GRIK3: variants seen among roughly 807,000 people sequenced by gnomAD.
GRIK3 encodes glutamate receptor ionotropic, kainate 3.
In GRIK3, 29 loss-of-function variants were observed where a neutral mutation model predicts 102.5. The observed-to-expected ratio is 0.28, with a 90% CI of 0.21 to 0.39. GRIK3 has a LOEUF of 0.39. Among genes scored for constraint, GRIK3 ranks in the 10% least tolerant of loss-of-function variants. The pLI, the probability that GRIK3 is intolerant of heterozygous loss-of-function variation, is 1.00. For missense variants in GRIK3, 908 were observed against 1,252.4 expected (o/e 0.73, Z 4.15); for synonymous variants, 511 against 504.9 (o/e 1.01, Z -0.16).
At chr1:36,975,749 C>T (rs1642189945) in intron 1 of GRIK3, among the ~76,000 whole-genome samples, 9 of 152,164 alleles carry the variant, frequency 5.9e-5, no homozygotes, top group African/African-American at 2.4e-5. Flanking sequence ...CCTGAGGCAC[C>T]CTCCACTTTC....
In GRIK3 at chr1:36,939,188, C is replaced by T. The variant is rs571864280; in HGVS notation, c.116-48092G>A. On this transcript the variant is annotated intron_variant, in intron 1 of 15. Transcript: ENST00000373091. ...CACCACACAACGCATGGAAGTGAAACATGAAAAGCTGATCATGTGCCCCCA... is the reference window on the plus strand; with the variant it reads ...CACCACACAACGCATGGAAGTGAAATATGAAAAGCTGATCATGTGCCCCCA... Among the ~76,000 whole-genome samples the T allele has an allele frequency of 6.6e-5, 10 of 152,308 alleles. No individual in the cohort carries two copies. In the East Asian group the frequency reaches 1.9e-3, roughly 29 times the overall value.
rs535791326 is a variant in GRIK3 at position 36,948,301 on chromosome 1, C to A, written c.116-57205G>T. 1.9e-3 allele frequency among the ~76,000 whole-genome samples: 286 copies of A among 152,360 alleles called. 1 individual carries two copies. The highest frequency in any genetic ancestry group is 5.0e-3 in the African/African-American group (208 of 41,586). ...TGTGCCAATGCTGGAGGAATTTCTACTGTGTGCCAGATCCTGTACTGGGAG... is the reference window on the plus strand; with the variant it reads ...TGTGCCAATGCTGGAGGAATTTCTAATGTGTGCCAGATCCTGTACTGGGAG... On this transcript the variant is annotated intron_variant, in intron 1 of 15. Coordinates refer to ENST00000373091, the MANE Select transcript of GRIK3 (RefSeq NM_000831.4).
intron 5 of GRIK3, among the ~76,000 whole-genome samples, chr1:36,869,077 G>A (rs1640816479): frequency 6.6e-6 from 1 of 152,236 alleles, no homozygotes; most frequent in South Asian, 2.1e-4. Context: ...GCAAGGCAGT[G>A]AGGCTCAGGA....
Position 36,896,891 on chromosome 1 carries a change from G to GA in GRIK3, c.116-5796dup, listed in dbSNP as rs528360554. 7.2e-5 allele frequency among the ~76,000 whole-genome samples: 11 copies of GA among 152,096 alleles called. No homozygotes were observed. In the South Asian group the frequency reaches 1.5e-3, roughly 20 times the overall value. ...AATACATCATAGTAACAGAATAAAG[G>GA]AAAAAAATGCGATCATCTGAATCAA... On this transcript the variant is annotated intron_variant, in intron 1 of 15. Transcript: ENST00000373091.
intron 1 of GRIK3, among the ~76,000 whole-genome samples, chr1:36,989,353 C>T (rs1298193399): frequency 1.3e-5 from 2 of 152,288 alleles, no homozygotes; most frequent in East Asian, 3.9e-4. Flanking sequence ...CAGGAGCCCT[C>T]GCCTGCACAG....
chr1:36,810,374 T>C (rs951327435), intron 13 of GRIK3, among the ~76,000 whole-genome samples: 1 of 152,190 alleles, frequency 6.6e-6, no homozygotes, highest in Non-Finnish European at 1.5e-5. Context: ...CCAAATCAAC[T>C]AATGGAATCA....
rs984504336 is a variant in GRIK3 at position 36,982,731 on chromosome 1, G to A, written c.115+51263C>T. Reference sequence around the variant, plus strand: ...GGAAGGGTGGAAGGGGCAGCCCAGCGACCGGGGTCTTTAAGCAGGCAGGAA... The same window carrying A: ...GGAAGGGTGGAAGGGGCAGCCCAGCAACCGGGGTCTTTAAGCAGGCAGGAA... On this transcript the variant is annotated intron_variant, in intron 1 of 15. Transcript: ENST00000373091. 5.3e-5 allele frequency among the ~76,000 whole-genome samples: 8 copies of A among 151,508 alleles called. No individual in the cohort carries two copies. The East Asian group carries it at 1.2e-3, about 22-fold the overall frequency.
At chr1:36,928,007 A>G (rs559599843) in intron 1 of GRIK3, among the ~76,000 whole-genome samples, 68 of 152,272 alleles carry the variant, frequency 4.5e-4, no homozygotes, top group African/African-American at 1.6e-3. Context: ...CCCTCCCTGG[A>G]GCTGCCGTCA....
At chr1:36,831,744 A>C (rs1055515470) in intron 10 of GRIK3, among the ~76,000 whole-genome samples, 1 of 152,236 alleles carries the variant, frequency 6.6e-6, no homozygotes, top group Non-Finnish European at 1.5e-5. Context: ...TGTAAGACTG[A>C]GGAACTGAAT....
At chr1:36,833,509 C>G (rs1640336453) in intron 10 of GRIK3, among the ~76,000 whole-genome samples, 1 of 152,226 alleles carries the variant, frequency 6.6e-6, no homozygotes, top group Non-Finnish European at 1.5e-5. Context: ...CCATCTCTTT[C>G]CCCTGCCCCC....
At chr1:36,975,859 C>G (rs1477872765) in intron 1 of GRIK3, among the ~76,000 whole-genome samples, 5 of 152,148 alleles carry the variant, frequency 3.3e-5, no homozygotes. Flanking sequence ...AGCAGTAAGC[C>G]GTCTACCCCA....
rs141859487 is a variant in GRIK3, at chr1:36,825,704, G to T, written c.1653C>A (p.Asn551Lys). ...GATTGAGGAAGGAGAAGACGCTGGG[G>T]TTGGTGCCATTGGGCTTTCGATACA... ...SILYRKPNGT[N>K]PSVFSFLNPL... The change falls in exon 11 of 16, where the codon AAC becomes AAA. Residue 551 changes from asparagine to lysine, a missense_variant. By Grantham distance (94) the Asn-to-Lys change is moderately conservative. Coordinates refer to ENST00000373091, the MANE Select transcript of GRIK3 (RefSeq NM_000831.4). The T allele has an allele frequency of 6.2e-7, 1 of 1,613,960 alleles. No individual in the cohort carries two copies. Among genetic ancestry groups the T allele is most frequent in the Non-Finnish European group, 8.5e-7 (1 of 1,179,914 alleles).
chr1:36,886,152 A>T (rs527248785), intron 2 of GRIK3, among the ~76,000 whole-genome samples: 28 of 152,286 alleles, frequency 1.8e-4, no homozygotes, highest in Non-Finnish European at 3.5e-4. Context: ...ACATGAAAAG[A>T]TAAAGACAAT....
At chr1:36,825,323 C>T (rs910357791) in intron 11 of GRIK3, among the ~76,000 whole-genome samples, 1 of 152,134 alleles carries the variant, frequency 6.6e-6, no homozygotes, top group East Asian at 1.9e-4. Flanking sequence ...CCTCTACGAG[C>T]CTGCCAATGG....
At position 36,801,072 on chromosome 1, in the gene GRIK3, C is replaced by T. The variant is rs760783878; in HGVS notation, c.*779G>A. The T allele has an allele frequency of 4.6e-5, 7 of 152,238 alleles. No individual in the cohort carries two copies. Among genetic ancestry groups the T allele is most frequent in the Non-Finnish European group, 7.3e-5 (5 of 68,042 alleles). 9.4% of individuals were successfully genotyped at this position (152,238 alleles called of 1,614,324 possible). ...AGAAATTCAGGGGGTCCTCTCTCCTCTGGCTAGAAAGTGGAGAAGAATTTT... is the reference window on the plus strand; with the variant it reads ...AGAAATTCAGGGGGTCCTCTCTCCTTTGGCTAGAAAGTGGAGAAGAATTTT... On this transcript the variant is annotated 3_prime_UTR_variant, in exon 16 of 16. Transcript: ENST00000373091.
chr1:37,000,436 GGGAAAATGAAGTTCAGAGA>G (rs1642465038), intron 1 of GRIK3, among the ~76,000 whole-genome samples: 1 of 152,084 alleles, frequency 6.6e-6, no homozygotes. Flanking sequence ...TTGACAGAGG[GGGAAAATGAAGTTCAGAGA>G]GGAAAATGAA....
chr1:36,853,684 G>A lies in GRIK3; in HGVS notation c.1143C>T (p.Asn381=), dbSNP rs1211211598. 1.2e-6 allele frequency: 2 copies of A among 1,613,912 alleles called. No individual in the cohort carries two copies. The highest frequency in any genetic ancestry group is 1.7e-5 in the Admixed American group (1 of 60,028). ...AATCCGTCCGCAAGCCACTAGTTTT[G>A]TTGAAAACAATTCGTCCAGTTAATC... ...WEGLTGRIVF[N]KTSGLRTDFD... The change falls in exon 8 of 16, where the codon AAC becomes AAT. Residue 381 remains asparagine (N), a synonymous_variant. Coordinates refer to ENST00000373091, the MANE Select transcript of GRIK3 (RefSeq NM_000831.4).
intron 1 of GRIK3, among the ~76,000 whole-genome samples, chr1:36,944,667 C>A (rs1254411948): frequency 6.6e-6 from 1 of 152,160 alleles, no homozygotes; most frequent in Admixed American, 6.5e-5. Context: ...CCTCAGTCCT[C>A]CACCGCACCC....
chr1:37,024,742 CA>C (rs11314211), intron 1 of GRIK3, among the ~76,000 whole-genome samples: 14,634 of 70,700 alleles, frequency 0.21, 784 homozygotes, highest in African/African-American at 0.36. Flanking sequence ...GACTCCATCT[CA>C]AAAAAAAAAA....
Sources: gnomAD v4.1 joint callset for allele counts (sites outside exome capture counted in the v4.1 genomes callset) on GRCh38, gnomAD v4.1.1 for gene constraint, MANE v1.5 for transcripts, NCBI Gene and HGNC (gene_info 2026-07-23, HGNC 2026-07-21) for gene names.